Variants in SNX25 observed in about 807,000 individuals in gnomAD.
SNX25 encodes the protein sorting nexin-25.
In SNX25, 62 loss-of-function variants were observed where a neutral mutation model predicts 113.7. That is an observed-to-expected ratio of 0.55 (90% CI 0.44 to 0.67). The LOEUF (loss-of-function observed/expected upper bound fraction) is 0.67. SNX25 is among the 30% of genes least tolerant of loss of function. The pLI is 0.00. For missense variants in SNX25, 1,014 were observed against 1,161.0 expected (o/e 0.87, Z 1.84); for synonymous variants, 421 against 436.2 (o/e 0.97, Z 0.43).
intron 5 of SNX25, among the ~76,000 whole-genome samples, chr4:185,272,475 C>T (rs2126565008): frequency 6.6e-6 from 1 of 152,274 alleles, no homozygotes; most frequent in Non-Finnish European, 1.5e-5. Context: ...ATTGTGTAAT[C>T]CTGCAGTGCA....
At chr4:185,206,952 C>T (rs1167079181), upstream of SNX25, among the ~76,000 whole-genome samples, 3 of 152,096 alleles carry the variant, frequency 2.0e-5, no homozygotes, top group Non-Finnish European at 4.4e-5. Context: ...CCTGGAGTCT[C>T]AACGCCAGAG....
intron 2 of SNX25, among the ~76,000 whole-genome samples, chr4:185,248,070 A>G (rs1560932615): frequency 6.6e-6 from 1 of 152,320 alleles, no homozygotes; most frequent in East Asian, 1.9e-4. Flanking sequence ...AGTGATATGT[A>G]CATATATGTG....
In SNX25 at chr4:185,323,595, T is replaced by G. The variant is rs777282679; in HGVS notation, c.1544T>G (p.Val515Gly). 1 of 1,613,216 alleles carries G rather than the reference T, an allele frequency of 6.2e-7. No individual in the cohort carries two copies. The highest frequency in any genetic ancestry group is 8.5e-7 in the Non-Finnish European group (1 of 1,179,426). ...NFFVESKEISVEKSLYKEIQQ... is the reference protein window; with the variant it reads ...NFFVESKEISGEKSLYKEIQQ... Reference sequence around the variant, plus strand: ...TTTGTGGAGAGCAAAGAAATATCTGTGGAAAAATCACTTTACAAAGAAATT... The same window carrying G: ...TTTGTGGAGAGCAAAGAAATATCTGGGGAAAAATCACTTTACAAAGAAATT... The change falls in exon 9 of 19, where the codon GTG becomes GGG. Residue 515 changes from valine to glycine, a missense_variant. By Grantham distance (109) the Val-to-Gly change is moderately radical (BLOSUM62 -3). Transcript: ENST00000652585.
chr4:185,266,039 A>T (rs933666056), intron 4 of SNX25, among the ~76,000 whole-genome samples: 3 of 152,212 alleles, frequency 2.0e-5, no homozygotes, highest in Non-Finnish European at 4.4e-5. Flanking sequence ...GATAAGAGAA[A>T]CTTTCCCTAT....
intron 2 of SNX25, among the ~76,000 whole-genome samples, chr4:185,249,683 A>G (rs199868709): frequency 6.6e-6 from 1 of 151,182 alleles, no homozygotes; most frequent in Non-Finnish European, 1.5e-5. Context: ...AAGTTCACCA[A>G]TTTTTTTTCT....
chr4:185,218,900 T>C (rs199774907), intron 1 of SNX25, among the ~76,000 whole-genome samples: 2 of 147,620 alleles, frequency 1.4e-5, no homozygotes, highest in East Asian at 4.0e-4. Flanking sequence ...AAGTTTTTTT[T>C]AATGAGGTTC....
chr4:185,218,433 C>G (rs1168876557), intron 1 of SNX25, among the ~76,000 whole-genome samples: 1 of 152,192 alleles, frequency 6.6e-6, no homozygotes, highest in Admixed American at 6.5e-5. Context: ...GAAATCCCAG[C>G]AGGTTTGCAT....
chr4:185,228,646 C>A (rs1741366994), intron 1 of SNX25, among the ~76,000 whole-genome samples: 1 of 152,140 alleles, frequency 6.6e-6, no homozygotes, highest in African/African-American at 2.4e-5. Context: ...AGCAGTCCTC[C>A]TGCCTCAGCC....
intron 14 of SNX25, chr4:185,353,142 C>A: frequency 5.9e-6 from 1 of 170,828 alleles, no homozygotes; most frequent in Non-Finnish European, 1.2e-5. Flanking sequence ...TTATTTACTT[C>A]CTGCTGTTTT....
At chr4:185,273,425 A>G (rs1434883092) in intron 5 of SNX25, among the ~76,000 whole-genome samples, 1 of 152,226 alleles carries the variant, frequency 6.6e-6, no homozygotes, top group Non-Finnish European at 1.5e-5. Flanking sequence ...TCCAGGGGTC[A>G]GCCACCATGC....
intron 6 of SNX25, among the ~76,000 whole-genome samples, chr4:185,299,376 T>C (rs1753305544): frequency 6.6e-6 from 1 of 152,214 alleles, no homozygotes. Flanking sequence ...GACGTAATGC[T>C]GTAGAGCAGT....
At chr4:185,371,504 T>C (rs192259231), downstream of SNX25, among the ~76,000 whole-genome samples, 4 of 135,084 alleles carry the variant, frequency 3.0e-5, no homozygotes, top group African/African-American at 5.7e-5. Context: ...ATCGCACCAC[T>C]GCACTCCAGC....
intron 6 of SNX25, among the ~76,000 whole-genome samples, chr4:185,302,468 C>T (rs1029747076): frequency 1.3e-5 from 2 of 152,140 alleles, no homozygotes; most frequent in Admixed American, 1.3e-4. Context: ...TTAGAGGACA[C>T]CCAGCACTAG....
intron 5 of SNX25, among the ~76,000 whole-genome samples, chr4:185,287,648 C>T (rs541426495): frequency 9.2e-5 from 14 of 152,310 alleles, no homozygotes; most frequent in Admixed American, 5.2e-4. Context: ...TCATGATCAC[C>T]TTATTAGACA....
chr4:185,211,593 G>A (rs1434779015), intron 1 of SNX25, among the ~76,000 whole-genome samples: 1 of 152,136 alleles, frequency 6.6e-6, no homozygotes, highest in Non-Finnish European at 1.5e-5. Flanking sequence ...TATTTATTGA[G>A]CATCTTGTGT....
At chr4:185,280,762 C>T (rs561611479) in intron 5 of SNX25, among the ~76,000 whole-genome samples, 1 of 152,294 alleles carries the variant, frequency 6.6e-6, no homozygotes, top group Middle Eastern at 3.4e-3. Flanking sequence ...CTTCAACTGC[C>T]AGTTCCTGTT....
chr4:185,263,068 G>A (rs551841361), intron 3 of SNX25, among the ~76,000 whole-genome samples: 2 of 152,330 alleles, frequency 1.3e-5, no homozygotes, highest in African/African-American at 4.8e-5. Flanking sequence ...CTTTGGCTCA[G>A]TCAGAAGTAT....
the SNX25 span, chr4:185,377,848 C>T: frequency 2.4e-6 from 1 of 424,130 alleles, no homozygotes; most frequent in East Asian, 4.0e-5. Context: ...GAAGCATGTC[C>T]TTAAGTCCTG....
At chr4:185,320,206 G>A (rs894342199) in intron 7 of SNX25, among the ~76,000 whole-genome samples, 2 of 152,126 alleles carry the variant, frequency 1.3e-5, no homozygotes, top group African/African-American at 4.8e-5. Flanking sequence ...GTTTACAATA[G>A]CAAAGTCATG....
Sources: allele counts gnomAD v4.1 joint callset (sites outside exome capture counted in the v4.1 genomes callset), GRCh38; gene constraint gnomAD v4.1.1; transcripts MANE v1.5; gene names NCBI Gene and HGNC (gene_info 2026-07-23, HGNC 2026-07-21).